CDYL: variants seen among roughly 807,000 people sequenced by gnomAD.
CDYL encodes the protein chromodomain Y like, also known as chromodomain Y-like protein.
Under a neutral mutation model 47.3 loss-of-function variants are expected in CDYL, and 8 were observed. The ratio of observed to expected loss-of-function variants is 0.17; its 90% CI spans 0.10 to 0.31. The LOEUF is 0.31. Ranked by LOEUF, CDYL falls within the 10% of genes least tolerant of loss-of-function variation. CDYL has a pLI of 1.00. For missense variants in CDYL, 471 were observed against 701.4 expected, an observed-to-expected ratio of 0.67 and a Z score of 3.71; for synonymous variants, 266 against 265.0, an observed-to-expected ratio of 1.00 and a Z score of -0.04.
intron 1 of CDYL, among the ~76,000 whole-genome samples, chr6:4,873,131 A>G (rs808589): frequency 0.37 from 56,229 of 152,108 alleles, 13,064 homozygotes; most frequent in African/African-American, 0.66. Flanking sequence ...AGTACACAAA[A>G]GAGCAAGTGG....
In CDYL at chr6:4,802,481, A is replaced by G. The variant is rs114915913; in HGVS notation, c.24+25674A>G. On this transcript the variant is annotated intron_variant, in intron 1 of 6. Transcript: ENST00000397588. ...CTGATCCCAGGAGGTTGAGGCTGCA[A>G]TGAGCTATGATTGCACCACTGTATT... Among the ~76,000 whole-genome samples, 283 of 152,232 alleles carry G rather than the reference A, an allele frequency of 1.9e-3. 1 individual carries two copies. Among genetic ancestry groups the G allele is most frequent in the African/African-American group, 6.6e-3 (273 of 41,538 alleles).
intron 2 of CDYL, among the ~76,000 whole-genome samples, chr6:4,923,235 T>C (rs924102579): frequency 1.3e-5 from 2 of 152,152 alleles, no homozygotes; most frequent in Non-Finnish European, 2.9e-5. Flanking sequence ...CCCCACCCAC[T>C]ACTTCCCAGC....
chr6:4,948,108 C>A lies in CDYL; in HGVS notation c.1333-4158C>A, dbSNP rs578019846. Among the ~76,000 whole-genome samples, 7 of 152,298 alleles carry A rather than the reference C, an allele frequency of 4.6e-5. No homozygotes were observed. The East Asian group carries it at 1.4e-3, about 29-fold the overall frequency. On this transcript the variant is annotated intron_variant, in intron 5 of 6. Transcript: ENST00000397588. ...ACGAGACTGTGTCCTGCCAGTTAAC[C>A]CTGTCCCGGCAGGAAAGAATCCTCA...
chr6:4,735,085 A>C (rs997941016), intron 3 of CDYL, among the ~76,000 whole-genome samples: 1 of 151,942 alleles, frequency 6.6e-6, no homozygotes, highest in East Asian at 1.9e-4. Context: ...TCGGGAGTTC[A>C]AGACCAGCCT....
At chr6:4,799,441 C>A (rs1231584415) in intron 1 of CDYL, among the ~76,000 whole-genome samples, 2 of 151,912 alleles carry the variant, frequency 1.3e-5, no homozygotes, top group Admixed American at 6.6e-5. Flanking sequence ...CATAGGTCTC[C>A]CATTTTTTTT....
chr6:4,721,400 T>G (rs1757366990), intron 2 of CDYL, among the ~76,000 whole-genome samples: 1 of 152,134 alleles, frequency 6.6e-6, no homozygotes, highest in Non-Finnish European at 1.5e-5. Flanking sequence ...TTTTTGTTTT[T>G]AAGACAGAGT....
At chr6:4,768,164 C>G (rs571582188) in intron 3 of CDYL, among the ~76,000 whole-genome samples, 38 of 152,326 alleles carry the variant, frequency 2.5e-4, no homozygotes, top group Non-Finnish European at 4.9e-4. Flanking sequence ...AAGCCTGGGA[C>G]CATTTCCAAT....
chr6:4,715,936 G>A lies in CDYL; in HGVS notation c.103+55G>A. 4 of 1,576,734 alleles carry A rather than the reference G, an allele frequency of 2.5e-6. No individual in the cohort carries two copies. The South Asian group carries it at 3.4e-5, about 14-fold the overall frequency. On this transcript the variant is annotated intron_variant, in intron 2 of 8. Transcript: ENST00000328908. Reference sequence around the variant, plus strand: ...TGATGCAGTAGGCAGAATTCTTAGAGAGGCCCCTTTTATTTAAAAATGATT... The same window carrying A: ...TGATGCAGTAGGCAGAATTCTTAGAAAGGCCCCTTTTATTTAAAAATGATT...
In CDYL at chr6:4,954,064, G is replaced by C; in HGVS notation, c.*8G>C. On this transcript the variant is annotated 3_prime_UTR_variant, in exon 7 of 7. Transcript: ENST00000397588. ...AAGATCGATGAGTTCTGAGTGTCGGGCTGCCCACTGGTGACACCGGGATCG... is the reference window on the plus strand; with the variant it reads ...AAGATCGATGAGTTCTGAGTGTCGGCCTGCCCACTGGTGACACCGGGATCG... The C allele has an allele frequency of 6.2e-7, 1 of 1,611,738 alleles. No individual in the cohort carries two copies.
chr6:4,742,445 GGAAAA>G (rs201099798), intron 3 of CDYL, among the ~76,000 whole-genome samples: 1,809 of 150,536 alleles, frequency 0.012, 44 homozygotes, highest in African/African-American at 0.042. Flanking sequence ...AAATCCTGCT[GGAAAA>G]GAAAAGAAAA....
At chr6:4,946,279 C>T (rs981212879) in intron 5 of CDYL, among the ~76,000 whole-genome samples, 2 of 152,194 alleles carry the variant, frequency 1.3e-5, no homozygotes, top group African/African-American at 4.8e-5. Context: ...ATTCCTCCAC[C>T]CACCACACGC....
intron 1 of CDYL, among the ~76,000 whole-genome samples, chr6:4,859,894 T>G (rs911284510): frequency 6.6e-6 from 1 of 151,388 alleles, no homozygotes. Context: ...GATCTTTTTT[T>G]GTCTTTTTTT....
At chr6:4,868,979 A>G (rs1761399183) in intron 1 of CDYL, among the ~76,000 whole-genome samples, 2 of 152,084 alleles carry the variant, frequency 1.3e-5, no homozygotes, top group Admixed American at 1.3e-4. Flanking sequence ...TATTGTTTTC[A>G]TGTCATATTT....
chr6:4,833,510 G>T (rs1760207125), intron 1 of CDYL, among the ~76,000 whole-genome samples: 1 of 149,618 alleles, frequency 6.7e-6, no homozygotes, highest in South Asian at 2.1e-4. Context: ...GTCAATTTTG[G>T]AATAGGTGTG....
intron 1 of CDYL, among the ~76,000 whole-genome samples, chr6:4,781,708 A>G (rs1384901116): frequency 6.6e-6 from 1 of 152,164 alleles, no homozygotes; most frequent in Non-Finnish European, 1.5e-5. Flanking sequence ...GTGCTCTATA[A>G]TGATTTTAAC....
chr6:4,776,724 C>A lies in CDYL; in HGVS notation c.-60C>A. 1 of 1,273,868 alleles carries A rather than the reference C, an allele frequency of 7.9e-7. No individual in the cohort carries two copies. Among genetic ancestry groups the A allele is most frequent in the Non-Finnish European group, 1.0e-6 (1 of 987,384 alleles). The allele number at this position is 1,273,868 out of a possible 1,614,324, so 78.9% of individuals were successfully genotyped here. ...GACCCAACTGAAACAAAGTGTCGGC[C>A]GCCCGGCGCCGGCGCCCGCCCCGAC... On this transcript the variant is annotated 5_prime_UTR_variant, in exon 1 of 7. Transcript: ENST00000397588.
chr6:4,828,252 CT>C (rs11324291), intron 1 of CDYL, among the ~76,000 whole-genome samples: 51,782 of 78,880 alleles, frequency 0.66, 16,943 homozygotes, highest in East Asian at 0.89. Flanking sequence ...TAACTTTCAG[CT>C]TTTTTTTTTT....
At chr6:4,742,227 G>T (rs933377972) in intron 3 of CDYL, among the ~76,000 whole-genome samples, 1 of 151,904 alleles carries the variant, frequency 6.6e-6, no homozygotes, top group Non-Finnish European at 1.5e-5. Context: ...AATTAGCCAG[G>T]TGTGGTGGTG....
intron 1 of CDYL, among the ~76,000 whole-genome samples, chr6:4,780,271 C>T (rs1273801031): frequency 6.6e-6 from 1 of 151,248 alleles, no homozygotes; most frequent in African/African-American, 2.4e-5. Context: ...GCTCTATCTC[C>T]CAGGCTGATG....
Sources: gnomAD v4.1 joint callset for allele counts (sites outside exome capture counted in the v4.1 genomes callset) on GRCh38, gnomAD v4.1.1 for gene constraint, MANE v1.5 for transcripts, NCBI Gene and HGNC (gene_info 2026-07-23, HGNC 2026-07-21) for gene names.